The following GRAP2 variants were observed in gnomAD, a reference collection of about 807,000 sequenced individuals.
GRAP2 encodes the protein GRB2 related adaptor protein 2, also known as GRB2-related adapter protein 2.
GRAP2 carries 31 observed loss-of-function variants against 43.5 expected under a neutral mutation model. That is an observed-to-expected ratio of 0.71 (90% confidence interval 0.54 to 0.96). The LOEUF is 0.96. GRAP2 is among the 40% of genes least tolerant of loss of function. The probability of loss-of-function intolerance (pLI) is 0.00; values close to 1 mark genes in which losing one functional copy is unlikely to be tolerated. For synonymous variants in GRAP2, 156 were observed against 164.8 expected, an observed-to-expected ratio of 0.95 and a Z score of 0.41; for missense variants, 371 against 424.4, an observed-to-expected ratio of 0.87 and a Z score of 1.11.
intron 1 of GRAP2, among the ~76,000 whole-genome samples, chr22:39,923,915 G>C (rs150631647): frequency 6.6e-6 from 1 of 152,246 alleles, no homozygotes; most frequent in Non-Finnish European, 1.5e-5. Context: ...GGATCAGTAG[G>C]GAAATGGTGA....
chr22:39,912,408 T>G (rs1311150401), intron 1 of GRAP2, among the ~76,000 whole-genome samples: 1 of 152,176 alleles, frequency 6.6e-6, no homozygotes, highest in East Asian at 1.9e-4. Flanking sequence ...GGTGACATAG[T>G]GAGACCTTGT....
intron 1 of GRAP2, among the ~76,000 whole-genome samples, chr22:39,901,973 G>A (rs1026923795): frequency 2.0e-5 from 3 of 152,184 alleles, no homozygotes; most frequent in Non-Finnish European, 4.4e-5. Context: ...CTTCCTGAAC[G>A]TGAGGATTGA....
At chr22:39,912,553 T>TCCCTACTC (rs2066574602) in intron 1 of GRAP2, among the ~76,000 whole-genome samples, 1 of 152,132 alleles carries the variant, frequency 6.6e-6, no homozygotes. Context: ...TACTGGTGGG[T>TCCCTACTC]AGAAGCTAGG....
chr22:39,957,921 G>A (rs1349422544), intron 3 of GRAP2, among the ~76,000 whole-genome samples: 2 of 151,990 alleles, frequency 1.3e-5, no homozygotes, highest in Non-Finnish European at 2.9e-5. Flanking sequence ...GGGCAGCAGA[G>A]AGAGACTCTG....
At chr22:39,955,052 T>C (rs1430728541) in intron 2 of GRAP2, among the ~76,000 whole-genome samples, 1 of 152,158 alleles carries the variant, frequency 6.6e-6, no homozygotes, top group East Asian at 1.9e-4. Context: ...TAAAAAACAA[T>C]AACAAATTGA....
chr22:39,970,198 T>G (rs898251698), intron 7 of GRAP2, among the ~76,000 whole-genome samples: 21 of 152,140 alleles, frequency 1.4e-4, no homozygotes, highest in Non-Finnish European at 7.4e-5. Flanking sequence ...TCACTGCAGA[T>G]TCAAACTCCT....
intron 1 of GRAP2, among the ~76,000 whole-genome samples, chr22:39,944,435 C>A (rs1396215254): frequency 6.6e-6 from 1 of 152,144 alleles, no homozygotes; most frequent in Admixed American, 6.5e-5. Flanking sequence ...ACATACCCCA[C>A]CCCACCCTGA....
intron 1 of GRAP2, among the ~76,000 whole-genome samples, chr22:39,928,484 G>T (rs756476736): frequency 6.6e-6 from 1 of 152,142 alleles, no homozygotes. Context: ...TTTAAGGAAC[G>T]TGCCCAACTT....
rs149653176 is a variant in GRAP2 at position 39,964,593 on chromosome 22, C to T, written c.291-1397C>T. On this transcript the variant is annotated intron_variant, in intron 4 of 7. Transcript: ENST00000344138. Reference sequence around the variant, plus strand: ...AAGCTGTTCCTTGTGCCTAAGGAGACGGTGACCCTTTATTTCATCCGTATT... The same window carrying T: ...AAGCTGTTCCTTGTGCCTAAGGAGATGGTGACCCTTTATTTCATCCGTATT... The T allele has an allele frequency of 5.1e-4, 394 of 770,642 alleles. 7 individuals carry two copies. The highest frequency in any genetic ancestry group is 5.1e-4 in the East Asian group (21 of 40,924). The allele number at this position is 770,642 out of a possible 1,614,324, so 47.7% of individuals were successfully genotyped here.
At chr22:39,960,000 C>T (rs568536936) in intron 3 of GRAP2, 55 bp from the exon 4 acceptor site, 4 of 1,589,150 alleles carry the variant, frequency 2.5e-6, no homozygotes, top group East Asian at 2.2e-5. Flanking sequence ...CCACGTCTCC[C>T]TCTTGTCACT....
chr22:39,924,079 CT>C (rs2066677262), intron 1 of GRAP2, among the ~76,000 whole-genome samples: 1 of 152,192 alleles, frequency 6.6e-6, no homozygotes, highest in Non-Finnish European at 1.5e-5. Context: ...ACCATCTCTA[CT>C]TTCAGGCTGG....
At chr22:39,969,378 T>C (rs767424251) in intron 6 of GRAP2, 33 bp from the exon 7 acceptor site, 2 of 1,612,092 alleles carry the variant, frequency 1.2e-6, no homozygotes, top group South Asian at 2.2e-5. Flanking sequence ...GTCCTGGCAG[T>C]GGGGTGACCA....
At chr22:39,963,853 T>C in intron 4 of GRAP2, 1 of 153,466 alleles carries the variant, frequency 6.5e-6, no homozygotes, top group Non-Finnish European at 1.5e-5. Context: ...CCGTCTCTAC[T>C]AAAAATACAA....
chr22:39,930,123 A>G (rs541032687), intron 1 of GRAP2, among the ~76,000 whole-genome samples: 2 of 152,252 alleles, frequency 1.3e-5, no homozygotes, highest in African/African-American at 2.4e-5. Flanking sequence ...ATAAGTTATT[A>G]AAAATAATTT....
intron 1 of GRAP2, among the ~76,000 whole-genome samples, chr22:39,905,512 A>G (rs181005951): frequency 6.6e-6 from 1 of 152,302 alleles, no homozygotes; most frequent in East Asian, 1.9e-4. Flanking sequence ...CTTAAGCTAT[A>G]AAATGGGATT....
chr22:39,961,898 G>A (rs942800845), intron 4 of GRAP2, among the ~76,000 whole-genome samples: 2 of 152,222 alleles, frequency 1.3e-5, no homozygotes, highest in African/African-American at 2.4e-5. Flanking sequence ...TATTTGAAAG[G>A]ATAGGTAGGA....
intron 3 of GRAP2, among the ~76,000 whole-genome samples, chr22:39,959,834 G>C (rs1467045718): frequency 6.6e-6 from 1 of 152,188 alleles, no homozygotes; most frequent in Non-Finnish European, 1.5e-5. Flanking sequence ...ACTTCTCCTG[G>C]AGAGAAGGAA....
At chr22:39,919,952 G>T (rs765175232) in intron 1 of GRAP2, among the ~76,000 whole-genome samples, 84 of 152,162 alleles carry the variant, frequency 5.5e-4, no homozygotes, top group Non-Finnish European at 7.5e-4. Context: ...GGAAACTGAG[G>T]CCAGAGAGAT....
At chr22:39,909,998 C>A (rs905713048) in intron 1 of GRAP2, among the ~76,000 whole-genome samples, 2 of 152,240 alleles carry the variant, frequency 1.3e-5, no homozygotes, top group African/African-American at 4.8e-5. Context: ...ACCTCAAGAT[C>A]TTTTCCCAGA....
Sources: allele counts gnomAD v4.1 joint callset (sites outside exome capture counted in the v4.1 genomes callset), GRCh38; gene constraint gnomAD v4.1.1; transcripts MANE v1.5; gene names NCBI Gene and HGNC (gene_info 2026-07-23, HGNC 2026-07-21).